KIF26B: variants seen among roughly 807,000 people sequenced by gnomAD.
The protein encoded by KIF26B is kinesin-like protein KIF26B.
In KIF26B, 63 loss-of-function variants were observed where a neutral mutation model predicts 151.2. The observed-to-expected ratio is 0.42, with a 90% CI of 0.34 to 0.51. The LOEUF is 0.51. Ranked by LOEUF, KIF26B falls within the 20% of genes least tolerant of loss-of-function variation. The probability of loss-of-function intolerance (pLI) is 0.07; values close to 1 mark genes in which losing one functional copy is unlikely to be tolerated. For missense variants in KIF26B, 2,813 were observed against 2,913.6 expected (o/e 0.97, Z 0.79); for synonymous variants, 1,357 against 1,262.1 (o/e 1.08, Z -1.59).
Position 245,602,878 on chromosome 1 carries a change from G to A in KIF26B, c.1557+95G>A, listed in dbSNP as rs2043412892. On this transcript the variant is annotated intron_variant, in intron 6 of 14. Coordinates refer to ENST00000407071, the MANE Select transcript of KIF26B (RefSeq NM_018012.4). The surrounding 1 kb of genome is among the most constrained non-coding windows in gnomAD (Gnocchi z 4.5). The stretch of plus-strand genomic sequence containing the variant: ...CCCTTGAGCTGGGAGGGTGTCTTCT[G>A]GAGCATTCTGATGGACCAGTTCCTT... The A allele has an allele frequency of 8.8e-7, 1 of 1,137,994 alleles. No homozygotes were observed. Among genetic ancestry groups the A allele is most frequent in the Non-Finnish European group, 1.3e-6 (1 of 758,998 alleles). The allele number at this position is 1,137,994 out of a possible 1,614,324, so 70.5% of individuals were successfully genotyped here. A position where few individuals can be genotyped will look rare whatever the true frequency, so the allele number is the denominator to read the frequency against.
rs13375318 is a variant in KIF26B at position 245,546,793 on chromosome 1, A to G, written c.1350+5843A>G. Among the ~76,000 whole-genome samples the G allele has an allele frequency of 5.6e-3, 851 of 152,342 alleles. 11 individuals are homozygous for G. Among genetic ancestry groups the G allele is most frequent in the African/African-American group, 0.02 (815 of 41,574 alleles). ...ATAAATAATACCTATTCATCACTATAGCTAGCCTGATAGCTTTGTAAATTA... is the reference window on the plus strand; with the variant it reads ...ATAAATAATACCTATTCATCACTATGGCTAGCCTGATAGCTTTGTAAATTA... On this transcript the variant is annotated intron_variant, in intron 5 of 14. Transcript: ENST00000407071.
At chr1:245,462,911 G>A (rs1189029601) in intron 4 of KIF26B, among the ~76,000 whole-genome samples, 2 of 152,150 alleles carry the variant, frequency 1.3e-5, no homozygotes, top group Non-Finnish European at 2.9e-5. Flanking sequence ...GCAGGCTCTG[G>A]GAGATGCAGA....
intron 4 of KIF26B, among the ~76,000 whole-genome samples, chr1:245,499,619 T>G (rs1660580723): frequency 6.6e-6 from 1 of 152,224 alleles, no homozygotes; most frequent in African/African-American, 2.4e-5. Context: ...CTTACATATA[T>G]TCTAGACCTC....
chr1:245,449,724 A>G (rs1222186685), intron 4 of KIF26B, among the ~76,000 whole-genome samples: 2 of 152,252 alleles, frequency 1.3e-5, no homozygotes, highest in African/African-American at 2.4e-5. Context: ...TCTGTAATCA[A>G]GATTACTTTA....
rs184135673 is a variant in KIF26B, at chr1:245,163,575, G to A, written c.465+6892G>A. On this transcript the variant is annotated intron_variant, in intron 2 of 14. Transcript: ENST00000407071. ...TCCAATTTTTTTTTTTGTTAGGACC[G>A]TGTTGAATGTATACATTAACCTGGG... is the stretch of plus-strand genomic sequence containing the variant. 1.1e-3 allele frequency among the ~76,000 whole-genome samples: 171 copies of A among 151,848 alleles called. 1 individual carries two copies. Among genetic ancestry groups the A allele is most frequent in the African/African-American group, 4.1e-3 (168 of 41,432 alleles).
At position 245,240,260 on chromosome 1, in the gene KIF26B, C is replaced by T. The variant is rs574395122; in HGVS notation, c.465+83577C>T. ...AACGACTTCCTGAGTCCACTTTCGCCGCTTCCATGGCCACATTCGCTTTAT... is the reference window on the plus strand; with the variant it reads ...AACGACTTCCTGAGTCCACTTTCGCTGCTTCCATGGCCACATTCGCTTTAT... On this transcript the variant is annotated intron_variant, in intron 2 of 14. Transcript: ENST00000407071. 1.2e-4 allele frequency among the ~76,000 whole-genome samples: 18 copies of T among 152,248 alleles called. No individual in the cohort carries two copies. The East Asian group carries it at 2.1e-3, about 18-fold the overall frequency.
intron 10 of KIF26B, chr1:245,676,197 A>G (rs2044355541): frequency 6.6e-6 from 1 of 152,226 alleles, no homozygotes. Context: ...AAAATTTCTA[A>G]TATCGTACCT....
At chr1:245,329,783 A>G (rs1172209643) in intron 2 of KIF26B, among the ~76,000 whole-genome samples, 2 of 152,338 alleles carry the variant, frequency 1.3e-5, no homozygotes, top group South Asian at 2.1e-4. Flanking sequence ...TATACAATCA[A>G]TAAGACCAAA....
chr1:245,541,192 A>G (rs1393204292), intron 5 of KIF26B, among the ~76,000 whole-genome samples: 1 of 152,196 alleles, frequency 6.6e-6, no homozygotes, highest in Non-Finnish European at 1.5e-5. Flanking sequence ...TCAGCTTTGC[A>G]TTGTTTGACA....
chr1:245,307,189 A>C (rs1482723085), intron 2 of KIF26B, among the ~76,000 whole-genome samples: 1 of 152,196 alleles, frequency 6.6e-6, no homozygotes, highest in African/African-American at 2.4e-5. Flanking sequence ...GAGGTAATGC[A>C]CTTTTTCTGG....
intron 5 of KIF26B, among the ~76,000 whole-genome samples, chr1:245,580,929 C>A (rs545233386): frequency 4.0e-4 from 61 of 152,336 alleles, no homozygotes; most frequent in African/African-American, 1.4e-3. Context: ...TCTTTTGCTG[C>A]TGACAGCATG....
intron 4 of KIF26B, among the ~76,000 whole-genome samples, chr1:245,505,620 G>C (rs759227738): frequency 2.6e-5 from 4 of 152,016 alleles, no homozygotes; most frequent in Non-Finnish European, 5.9e-5. Context: ...CCTGACCTCA[G>C]GTGATCCAGC....
intron 2 of KIF26B, among the ~76,000 whole-genome samples, chr1:245,231,705 G>A (rs1292969763): frequency 1.3e-5 from 2 of 151,976 alleles, no homozygotes; most frequent in African/African-American, 4.8e-5. Flanking sequence ...GGAGGAAGAG[G>A]AGGAAGAAAA....
chr1:245,319,182 A>T (rs1423977252), intron 2 of KIF26B, among the ~76,000 whole-genome samples: 1 of 152,234 alleles, frequency 6.6e-6, no homozygotes, highest in Non-Finnish European at 1.5e-5. Flanking sequence ...TATGTGTAGC[A>T]TGTGTCCAGA....
chr1:245,600,311 T>A (rs552293162), intron 5 of KIF26B, among the ~76,000 whole-genome samples: 1 of 143,726 alleles, frequency 7.0e-6, no homozygotes, highest in Non-Finnish European at 1.5e-5. Flanking sequence ...GTGCTGGGAT[T>A]ACAGGCGTGA....
At chr1:245,556,324 T>C (rs1434592117) in intron 5 of KIF26B, among the ~76,000 whole-genome samples, 8 of 115,158 alleles carry the variant, frequency 6.9e-5, no homozygotes, top group Admixed American at 2.5e-4. Flanking sequence ...TTCTTCTTCT[T>C]CCTCCTTCTT....
intron 2 of KIF26B, among the ~76,000 whole-genome samples, chr1:245,354,192 G>C (rs1025508833): frequency 2.2e-4 from 34 of 152,072 alleles, no homozygotes; most frequent in African/African-American, 8.0e-4. Flanking sequence ...AGCAAGTTTT[G>C]GTTTTCTTTA....
At chr1:245,665,932 G>A (rs1425743759) in intron 10 of KIF26B, among the ~76,000 whole-genome samples, 4 of 150,414 alleles carry the variant, frequency 2.7e-5, no homozygotes, top group African/African-American at 4.9e-5. Context: ...TGATCCACCC[G>A]CGGTCAGCCT....
Position 245,687,796 on chromosome 1 carries a change from A to C in KIF26B, c.4813A>C (p.Ser1605Arg), listed in dbSNP as rs1289978503. 6.3e-7 allele frequency: 1 copy of C among 1,590,360 alleles called. No homozygotes were observed. Among genetic ancestry groups the C allele is most frequent in the Admixed American group, 1.7e-5 (1 of 57,486 alleles). The change falls in exon 12 of 15, where the codon AGC (serine) becomes CGC (arginine). Residue 1605 changes from serine (S) to arginine (R), a missense_variant. Transcript: ENST00000407071. The surrounding 1 kb of genome is among the most constrained non-coding windows in gnomAD (Gnocchi z 4.9). ...CCCTCTGCCCCCTGTCCGAAAGTCC[A>C]GCCTGGACCAGAAGAACCGGGCCAG... ...TPPLPPVRKS[S>R]LDQKNRASPQ...
Sources: allele counts gnomAD v4.1 joint callset (sites outside exome capture counted in the v4.1 genomes callset), GRCh38; gene constraint gnomAD v4.1.1; non-coding constraint Gnocchi (gnomAD v3.1); transcripts MANE v1.5; gene names NCBI Gene and HGNC (gene_info 2026-07-23, HGNC 2026-07-21).